The following OSBPL10 variants were observed in gnomAD, a reference collection of about 807,000 sequenced individuals.
OSBPL10 encodes the protein oxysterol-binding protein-related protein 10.
Under a neutral mutation model 81.7 loss-of-function variants are expected in OSBPL10, and 49 were observed. The observed-to-expected ratio is 0.60, with a 90% CI of 0.48 to 0.76. The LOEUF is 0.76. Among genes scored for constraint, OSBPL10 ranks in the 30% least tolerant of loss-of-function variants. The pLI, the probability that OSBPL10 is intolerant of heterozygous loss-of-function variation, is 0.00. For missense variants in OSBPL10, 923 were observed against 987.8 expected, an observed-to-expected ratio of 0.93 and a Z score of 0.88; for synonymous variants, 419 against 383.6, an observed-to-expected ratio of 1.09 and a Z score of -1.08.
intron 5 of OSBPL10, among the ~76,000 whole-genome samples, chr3:31,746,784 G>A (rs530842895): frequency 7.1e-6 from 1 of 141,758 alleles, no homozygotes; most frequent in Non-Finnish European, 1.5e-5. Flanking sequence ...GAGAACACAT[G>A]GACACAGGAA....
At chr3:31,741,775 A>G (rs777772978) in intron 5 of OSBPL10, among the ~76,000 whole-genome samples, 1 of 152,164 alleles carries the variant, frequency 6.6e-6, no homozygotes, top group Non-Finnish European at 1.5e-5. Context: ...ATGTTGTGGG[A>G]GAGACCCAGT....
At chr3:31,862,484 CTTTTT>C (rs202015997) in intron 3 of OSBPL10, among the ~76,000 whole-genome samples, 3 of 151,346 alleles carry the variant, frequency 2.0e-5, no homozygotes, top group Admixed American at 2.0e-4. Context: ...AAATGTAATG[CTTTTT>C]TTTTATTTTC....
At chr3:31,879,589 AAAC>A (rs1701567194) in intron 2 of OSBPL10, 63 bp downstream of exon 2, 2 of 1,503,466 alleles carry the variant, frequency 1.3e-6, no homozygotes, top group African/African-American at 1.4e-5. Context: ...AAAAATCAAA[AAAC>A]AAGAGAGCCA....
At chr3:31,777,824 T>C (rs1490402488) in intron 4 of OSBPL10, among the ~76,000 whole-genome samples, 1 of 152,146 alleles carries the variant, frequency 6.6e-6, no homozygotes, top group Non-Finnish European at 1.5e-5. Flanking sequence ...AATATAAAAT[T>C]ACAAGCAGCA....
At chr3:31,867,759 A>AAGGAAGGGAGGG (rs1701216845) in intron 3 of OSBPL10, among the ~76,000 whole-genome samples, 3 of 134,642 alleles carry the variant, frequency 2.2e-5, no homozygotes, top group Non-Finnish European at 4.7e-5. Context: ...GGAAGGGAGG[A>AAGGAAGGGAGGG]AGGAAGGGAG....
chr3:31,741,991 TCCAA>T (rs1697367557), intron 5 of OSBPL10, among the ~76,000 whole-genome samples: 1 of 152,230 alleles, frequency 6.6e-6, no homozygotes, highest in Non-Finnish European at 1.5e-5. Flanking sequence ...GAACTGTAAG[TCCAA>T]TAAACCCCTT....
At chr3:31,954,584 T>G (rs543646401) in intron 1 of OSBPL10, among the ~76,000 whole-genome samples, 1 of 152,024 alleles carries the variant, frequency 6.6e-6, no homozygotes, top group African/African-American at 2.4e-5. Context: ...CAATCTATAT[T>G]GGGGGCAGGG....
intron 4 of OSBPL10, among the ~76,000 whole-genome samples, chr3:31,762,617 C>T (rs1437942905): frequency 5.5e-5 from 4 of 72,186 alleles, no homozygotes; most frequent in Non-Finnish European, 9.0e-5. Flanking sequence ...CTATGCACAA[C>T]ACCATGCCCA....
chr3:31,738,030 G>T (rs1163434970), intron 5 of OSBPL10, among the ~76,000 whole-genome samples: 2 of 150,420 alleles, frequency 1.3e-5, no homozygotes, highest in Non-Finnish European at 1.5e-5. Flanking sequence ...CAATACAGAA[G>T]ATGCACAACA....
In OSBPL10 at chr3:31,819,837, G is replaced by A. The variant is rs145379163; in HGVS notation, c.729+10203C>T. ...CATTATTAGTTGTCTTTAAGTAAGAGAGATTACAGAGATCATCTGGATGGG... is the reference window on the plus strand; with the variant it reads ...CATTATTAGTTGTCTTTAAGTAAGAAAGATTACAGAGATCATCTGGATGGG... On this transcript the variant is annotated intron_variant, in intron 4 of 11. Coordinates refer to ENST00000396556, the MANE Select transcript of OSBPL10 (RefSeq NM_017784.5). Among the ~76,000 whole-genome samples, 334 of 152,342 alleles carry A rather than the reference G, an allele frequency of 2.2e-3. 3 individuals carry two copies. Among genetic ancestry groups the A allele is most frequent in the African/African-American group, 7.8e-3 (323 of 41,572 alleles).
intron 8 of OSBPL10, among the ~76,000 whole-genome samples, chr3:31,680,573 C>T (rs770971883): frequency 7.2e-5 from 11 of 152,170 alleles, no homozygotes; most frequent in African/African-American, 1.2e-4. Context: ...TGGACTCATC[C>T]GGGGTCTGCT....
At position 31,812,766 on chromosome 3, in the gene OSBPL10, GAA is replaced by G. The variant is rs1319938469; in HGVS notation, c.729+17272_729+17273del. Among the ~76,000 whole-genome samples the G allele has an allele frequency of 3.2e-4, 11 of 34,726 alleles. 1 individual carries two copies. The highest frequency in any genetic ancestry group is 9.3e-4 in the Admixed American group (2 of 2,144). 22.8% of individuals were successfully genotyped at this position (34,726 alleles called of 152,430 possible). A position where few individuals can be genotyped will look rare whatever the true frequency, so the allele number is the denominator to read the frequency against. Reference sequence around the variant, plus strand: ...AGAAAGAAAGAAAGAAAGAAAGAAAGAAAGAAAGAAAGAAAGAAAGAAAGAAA... The same window carrying G: ...AGAAAGAAAGAAAGAAAGAAAGAAAGAGAAAGAAAGAAAGAAAGAAAGAAA... On this transcript the variant is annotated intron_variant, in intron 4 of 11. Transcript: ENST00000396556.
chr3:31,999,783 G>A (rs1227282055), intron 2 of OSBPL10, among the ~76,000 whole-genome samples: 1 of 152,098 alleles, frequency 6.6e-6, no homozygotes, highest in Non-Finnish European at 1.5e-5. Flanking sequence ...CCCACAGCCC[G>A]GTGAAATGAG....
intron 1 of OSBPL10, among the ~76,000 whole-genome samples, chr3:31,931,423 G>A (rs1323044939): frequency 6.6e-6 from 1 of 151,992 alleles, no homozygotes; most frequent in Non-Finnish European, 1.5e-5. Flanking sequence ...CCCCTAGCTG[G>A]TCTCCATACT....
chr3:31,809,226 A>C (rs1260536623), intron 4 of OSBPL10, among the ~76,000 whole-genome samples: 1 of 152,238 alleles, frequency 6.6e-6, no homozygotes, highest in African/African-American at 2.4e-5. Context: ...TACAACAAAC[A>C]ATAAAAGAAT....
At chr3:31,799,836 T>C (rs1426169565) in intron 4 of OSBPL10, among the ~76,000 whole-genome samples, 2 of 152,154 alleles carry the variant, frequency 1.3e-5, no homozygotes, top group African/African-American at 4.8e-5. Context: ...CTCAGCCTCC[T>C]GAGCTGGGAC....
In OSBPL10 at chr3:31,830,107, T is replaced by C; in HGVS notation, c.662A>G (p.His221Arg). Residue 221 changes from histidine to arginine, a missense_variant, in exon 4 of 12, where the codon CAC becomes CGC. Coordinates refer to ENST00000396556, the MANE Select transcript of OSBPL10 (RefSeq NM_017784.5). ...TCTTCGGGCGGCTGCAGGCGACTTG[T>C]GATGCGTGATTGTGACAACACCGGG... ...GAPGVVTITHHKSPAAARRAK... is the reference protein window; with the variant it reads ...GAPGVVTITHRKSPAAARRAK... 1 of 1,614,092 alleles carries C rather than the reference T, an allele frequency of 6.2e-7. No homozygotes were observed. The highest frequency in any genetic ancestry group is 8.5e-7 in the Non-Finnish European group (1 of 1,180,018).
At chr3:31,970,175 C>T (rs1184187685) in intron 1 of OSBPL10, among the ~76,000 whole-genome samples, 2 of 152,166 alleles carry the variant, frequency 1.3e-5, no homozygotes, top group African/African-American at 2.4e-5. Context: ...ATTCTACCTG[C>T]ATCAATTAGG....
intron 1 of OSBPL10, among the ~76,000 whole-genome samples, chr3:31,884,436 T>C (rs1459366886): frequency 6.6e-6 from 1 of 152,216 alleles, no homozygotes; most frequent in Non-Finnish European, 1.5e-5. Flanking sequence ...AGAAAAAAAT[T>C]GCAACAGACT....
Sources: gnomAD v4.1 joint callset for allele counts (sites outside exome capture counted in the v4.1 genomes callset) on GRCh38, gnomAD v4.1.1 for gene constraint, MANE v1.5 for transcripts, NCBI Gene and HGNC (gene_info 2026-07-23, HGNC 2026-07-21) for gene names.